RBFOX1: variants seen among roughly 807,000 people sequenced by gnomAD.
RBFOX1 encodes the protein RNA binding fox-1 homolog 1.
A neutral mutation model predicts 57.7 loss-of-function variants in RBFOX1; 8 were observed. The observed-to-expected ratio is 0.14, with a 90% CI of 0.08 to 0.25. The LOEUF (loss-of-function observed/expected upper bound fraction) is 0.25. RBFOX1 is among the 10% of genes least tolerant of loss of function. The pLI is 1.00. For missense variants in RBFOX1, 611 were observed against 548.5 expected, an observed-to-expected ratio of 1.11 and a Z score of -1.14; for synonymous variants, 326 against 222.4, an observed-to-expected ratio of 1.47 and a Z score of -4.15.
At chr16:6,190,067 C>G (rs1474193061) in intron 1 of RBFOX1, among the ~76,000 whole-genome samples, 1 of 152,102 alleles carries the variant, frequency 6.6e-6, no homozygotes, top group Non-Finnish European at 1.5e-5. Context: ...TGTGTGAATT[C>G]AGGTGTGCAG....
intron 1 of RBFOX1, among the ~76,000 whole-genome samples, chr16:6,133,613 C>G (rs1412142714): frequency 1.3e-5 from 2 of 152,176 alleles, no homozygotes; most frequent in Non-Finnish European, 2.9e-5. Context: ...TTATTTCACT[C>G]CCTACCTAAA....
intron 3 of RBFOX1, among the ~76,000 whole-genome samples, chr16:6,822,059 G>A (rs2091402578): frequency 6.6e-6 from 1 of 152,150 alleles, no homozygotes; most frequent in Admixed American, 6.6e-5. Context: ...TCATCATACT[G>A]AGACTACTGC....
rs545941806 is a variant in RBFOX1 at position 7,220,770 on chromosome 16, C to G, written c.27+168672C>G. Among the ~76,000 whole-genome samples, 143 of 152,260 alleles carry G rather than the reference C, an allele frequency of 9.4e-4. 3 individuals are homozygous for G. The South Asian group carries it at 0.027, about 29-fold the overall frequency. On this transcript the variant is annotated intron_variant, in intron 4 of 15. Coordinates refer to ENST00000550418, the MANE Select transcript of RBFOX1 (RefSeq NM_018723.4). ...ATTTCCAGGCCCACATCTGACCTAT[C>G]AGGGCTGGCCGTACAATCAGCATTT...
intron 4 of RBFOX1, among the ~76,000 whole-genome samples, chr16:7,064,153 C>T (rs1335222783): frequency 1.4e-5 from 2 of 140,634 alleles, no homozygotes; most frequent in African/African-American, 5.3e-5. Context: ...TCCAGTATGA[C>T]TGGTGTTCTT....
At position 5,961,899 on chromosome 16, in the gene RBFOX1, C is replaced by A. The variant is rs145269764; in HGVS notation, c.351+94564C>A. Among the ~76,000 whole-genome samples the A allele has an allele frequency of 5.2e-4, 79 of 152,300 alleles. 2 individuals carry two copies. Among genetic ancestry groups the A allele is most frequent in the African/African-American group, 1.8e-3 (75 of 41,572 alleles). On this transcript the variant is annotated intron_variant, in intron 4 of 19. Coordinates refer to the RBFOX1 transcript ENST00000641259. ...TGCTTCTAGGAGAAACTCCAAATAA[C>A]AGTAAATTAAGGTGAAGTTTATCTT...
At chr16:5,407,984 C>G (rs1043552780) in intron 1 of RBFOX1, among the ~76,000 whole-genome samples, 1 of 152,256 alleles carries the variant, frequency 6.6e-6, no homozygotes, top group Non-Finnish European at 1.5e-5. Context: ...TCTGGCCATT[C>G]TGAAATCATG....
chr16:5,432,730 G>A (rs2067791369), intron 1 of RBFOX1, among the ~76,000 whole-genome samples: 2 of 151,796 alleles, frequency 1.3e-5, no homozygotes, highest in South Asian at 4.2e-4. Context: ...TCAGCTGTCA[G>A]TTAGTGTTCT....
At chr16:6,520,605 G>A (rs2096479971) in intron 2 of RBFOX1, among the ~76,000 whole-genome samples, 1 of 152,132 alleles carries the variant, frequency 6.6e-6, no homozygotes, top group Non-Finnish European at 1.5e-5. Context: ...AAAGATATGT[G>A]GGCACCTTTA....
chr16:5,993,374 TGTGTGTGTGTGAGAGAGAGAGAGACA>T (rs1257454727), intron 4 of RBFOX1, among the ~76,000 whole-genome samples: 7 of 34,590 alleles, frequency 2.0e-4, no homozygotes, highest in Middle Eastern at 0.017. Context: ...TGTGTGTGTG[TGTGTGTGTGTGAGAGAGAGAGAGACA>T]GAGAGAGAGA....
At chr16:7,385,457 C>G (rs1008370773) in intron 4 of RBFOX1, among the ~76,000 whole-genome samples, 1 of 151,960 alleles carries the variant, frequency 6.6e-6, no homozygotes, top group African/African-American at 2.4e-5. Context: ...ATGGAGAGGT[C>G]GGGGCTTGGG....
intron 3 of RBFOX1, among the ~76,000 whole-genome samples, chr16:6,731,876 C>G (rs1234542118): frequency 6.6e-6 from 1 of 151,084 alleles, no homozygotes; most frequent in African/African-American, 2.5e-5. Flanking sequence ...GGAATCCAAA[C>G]AAACAAAGTA....
intron 4 of RBFOX1, among the ~76,000 whole-genome samples, chr16:7,435,248 T>C (rs1203788907): frequency 6.6e-6 from 1 of 152,130 alleles, no homozygotes; most frequent in Non-Finnish European, 1.5e-5. Context: ...CTTGTCTTTT[T>C]TGGAGTACTA....
chr16:6,935,881 C>G (rs952806133), intron 3 of RBFOX1, among the ~76,000 whole-genome samples: 1 of 152,146 alleles, frequency 6.6e-6, no homozygotes, highest in African/African-American at 2.4e-5. Flanking sequence ...GGATGCTAGC[C>G]TGCACATCGG....
downstream of RBFOX1, among the ~76,000 whole-genome samples, chr16:5,603,017 C>T (rs190353042): frequency 5.9e-5 from 9 of 152,196 alleles, no homozygotes; most frequent in African/African-American, 1.9e-4. Flanking sequence ...TTTAGATAGA[C>T]TTTTTGGTCC....
chr16:6,428,625 A>G (rs1208201738), intron 2 of RBFOX1, among the ~76,000 whole-genome samples: 2 of 152,198 alleles, frequency 1.3e-5, no homozygotes, highest in African/African-American at 2.4e-5. Context: ...CACACTGGAT[A>G]ATAAGCTTGC....
intron 2 of RBFOX1, among the ~76,000 whole-genome samples, chr16:5,478,393 G>T (rs1291470360): frequency 6.6e-6 from 1 of 152,098 alleles, no homozygotes; most frequent in East Asian, 1.9e-4. Flanking sequence ...TGAATGTGCA[G>T]TTATTTAATT....
rs189702717 is a variant in RBFOX1, at chr16:7,364,765, C to T, written c.28-153382C>T. Among the ~76,000 whole-genome samples the T allele has an allele frequency of 1.6e-3, 244 of 152,290 alleles. 1 individual carries two copies. Among genetic ancestry groups the T allele is most frequent in the African/African-American group, 5.7e-3 (237 of 41,570 alleles). On this transcript the variant is annotated intron_variant, in intron 4 of 15. Coordinates refer to ENST00000550418, the MANE Select transcript of RBFOX1 (RefSeq NM_018723.4). Reference sequence around the variant, plus strand: ...GGAATACTTGCTAGTTGTGTTCTCTCTCTAAGGTAATCTGTTGGAAGAAGT... The same window carrying T: ...GGAATACTTGCTAGTTGTGTTCTCTTTCTAAGGTAATCTGTTGGAAGAAGT...
chr16:6,941,948 G>C (rs1416670107), intron 3 of RBFOX1, among the ~76,000 whole-genome samples: 1 of 152,142 alleles, frequency 6.6e-6, no homozygotes, highest in African/African-American at 2.4e-5. Flanking sequence ...GCTGGGAAAG[G>C]ATGGGCACAA....
intron 2 of RBFOX1, among the ~76,000 whole-genome samples, chr16:5,584,483 C>A (rs139366721): frequency 1.3e-5 from 2 of 152,330 alleles, no homozygotes; most frequent in East Asian, 3.9e-4. Context: ...CCATTGCCCA[C>A]TTGCAAATGG....
Sources: gnomAD v4.1 joint callset for allele counts (sites outside exome capture counted in the v4.1 genomes callset) on GRCh38, gnomAD v4.1.1 for gene constraint, MANE v1.5 for transcripts, NCBI Gene and HGNC (gene_info 2026-07-23, HGNC 2026-07-21) for gene names.